Variants in RHBDD1 observed in about 807,000 individuals in gnomAD.
RHBDD1 encodes rhomboid-related protein 4.
RHBDD1 carries 38 observed loss-of-function variants against 36.3 expected under a neutral mutation model. That is an observed-to-expected ratio of 1.05 (90% CI 0.81 to 1.37). RHBDD1 has a LOEUF of 1.37. Ranked by LOEUF, RHBDD1 falls within the 40% of genes most tolerant of loss-of-function variation. RHBDD1 has a pLI of 0.00. For synonymous variants in RHBDD1, 151 were observed against 136.5 expected, an observed-to-expected ratio of 1.11 and a Z score of -0.74; for missense variants, 393 against 377.6, an observed-to-expected ratio of 1.04 and a Z score of -0.34.
intron 8 of RHBDD1, among the ~76,000 whole-genome samples, chr2:226,931,784 C>G (rs1950045151): frequency 6.6e-6 from 1 of 151,510 alleles, no homozygotes; most frequent in Non-Finnish European, 1.5e-5. Flanking sequence ...AGCATGGATC[C>G]TCTTAGTTCT....
chr2:226,864,947 T>G lies in RHBDD1; in HGVS notation c.254T>G (p.Met85Arg). Residue 85 changes from methionine to arginine, a missense_variant, in exon 4 of 9, where the codon ATG becomes AGG. Physicochemically the swap from Met to Arg is moderately conservative, Grantham distance 91. Transcript: ENST00000392062. ...HADDWHLYFN[M>R]ASMLWKGINL... Reference sequence around the variant, plus strand: ...GATGATTGGCATTTGTATTTCAATATGGCATCCATGCTCTGGAAAGGAATA... The same window carrying G: ...GATGATTGGCATTTGTATTTCAATAGGGCATCCATGCTCTGGAAAGGAATA... 6.2e-7 allele frequency: 1 copy of G among 1,614,242 alleles called. No homozygotes were observed. Among genetic ancestry groups the G allele is most frequent in the South Asian group, 1.1e-5 (1 of 91,084 alleles).
intron 5 of RHBDD1, among the ~76,000 whole-genome samples, chr2:226,888,411 GT>G (rs59372958): frequency 0.23 from 33,432 of 146,776 alleles, 6,630 homozygotes; most frequent in African/African-American, 0.54. Flanking sequence ...TCTCAGTGAG[GT>G]TTTTTTTTTT....
intron 4 of RHBDD1, among the ~76,000 whole-genome samples, chr2:226,865,995 C>T (rs994901689): frequency 6.6e-6 from 1 of 152,262 alleles, no homozygotes; most frequent in African/African-American, 2.4e-5. Context: ...CCATGATAAT[C>T]ACTCTGCATA....
Position 226,865,051 on chromosome 2 carries a change from C to G in RHBDD1, c.358C>G (p.Leu120Val). Reference protein sequence around the residue: ...AFSVLTGVVYLLLQFAVAEFM... With the variant: ...AFSVLTGVVYVLLQFAVAEFM... ...TTCTGTACTTACTGGAGTGGTATAC[C>G]TGCTCTTGCAATTTGCTGTTGCCGA... The change falls in exon 4 of 9, where the codon CTG becomes GTG. Residue 120 changes from leucine to valine, a missense_variant. Physicochemically the swap from Leu to Val is conservative, Grantham distance 32. Coordinates refer to ENST00000392062, the MANE Select transcript of RHBDD1 (RefSeq NM_001167608.3). 6.2e-7 allele frequency: 1 copy of G among 1,614,140 alleles called. No individual in the cohort carries two copies. The highest frequency in any genetic ancestry group is 1.1e-5 in the South Asian group (1 of 91,058).
the RHBDD1 span, among the ~76,000 whole-genome samples, chr2:226,825,462 T>G: frequency 6.6e-6 from 1 of 152,178 alleles, no homozygotes; most frequent in African/African-American, 2.4e-5. Context: ...TAGAAAATAC[T>G]CATAATGAGT....
chr2:226,865,951 AC>A (rs1264869115), intron 4 of RHBDD1, among the ~76,000 whole-genome samples: 1 of 152,128 alleles, frequency 6.6e-6, no homozygotes, highest in East Asian at 1.9e-4. Flanking sequence ...AATGGACCAC[AC>A]CCTGCTATGG....
intron 5 of RHBDD1, chr2:226,867,708 TTTA>T (rs141478946): frequency 2.1e-5 from 19 of 920,834 alleles, no homozygotes; most frequent in African/African-American, 7.2e-5. Flanking sequence ...TCTAATGCTT[TTTA>T]TTATTATTAT....
intron 8 of RHBDD1, among the ~76,000 whole-genome samples, chr2:226,991,851 C>T (rs1487496441): frequency 2.6e-5 from 4 of 152,166 alleles, no homozygotes; most frequent in Non-Finnish European, 5.9e-5. Flanking sequence ...CCTCCTCTCA[C>T]GTATGAGTCA....
the RHBDD1 span, among the ~76,000 whole-genome samples, chr2:226,825,524 C>T: frequency 0.077 from 11,727 of 151,916 alleles, 498 homozygotes; most frequent in East Asian, 0.14. Context: ...ATAAATACTT[C>T]CTAAAATAGA....
At chr2:226,925,929 G>A (rs375595040) in intron 8 of RHBDD1, among the ~76,000 whole-genome samples, 1 of 152,250 alleles carries the variant, frequency 6.6e-6, no homozygotes, top group East Asian at 1.9e-4. Context: ...TAGAGTTTGT[G>A]TGTTTGTGTG....
chr2:226,840,180 C>T (rs1559179995), intron 3 of RHBDD1, among the ~76,000 whole-genome samples: 1 of 152,118 alleles, frequency 6.6e-6, no homozygotes, highest in Admixed American at 6.5e-5. Flanking sequence ...TACTTTCAAT[C>T]AACCAGCTGC....
chr2:226,832,221 T>C (rs1940761122), upstream of RHBDD1, among the ~76,000 whole-genome samples: 1 of 152,200 alleles, frequency 6.6e-6, no homozygotes, highest in Non-Finnish European at 1.5e-5. Context: ...CAAAATACTT[T>C]CTAATTTCCT....
intron 5 of RHBDD1, among the ~76,000 whole-genome samples, chr2:226,870,685 C>T (rs1944728311): frequency 6.6e-6 from 1 of 152,276 alleles, no homozygotes; most frequent in South Asian, 2.1e-4. Flanking sequence ...TTACTAATAA[C>T]ATACACAGTC....
At chr2:226,913,762 G>C (rs888898295) in intron 7 of RHBDD1, among the ~76,000 whole-genome samples, 62 of 152,156 alleles carry the variant, frequency 4.1e-4, no homozygotes, top group Admixed American at 5.2e-4. Flanking sequence ...TATTCTGTGG[G>C]ATCTGTATGA....
chr2:226,904,892 C>A (rs1335347169), intron 5 of RHBDD1, among the ~76,000 whole-genome samples: 1 of 152,024 alleles, frequency 6.6e-6, no homozygotes, highest in African/African-American at 2.4e-5. Context: ...TCAGCAAGCA[C>A]CCTGAGCTGA....
At chr2:226,828,871 T>C in the RHBDD1 span, among the ~76,000 whole-genome samples, 1 of 152,174 alleles carries the variant, frequency 6.6e-6, no homozygotes, top group Non-Finnish European at 1.5e-5. Context: ...TTCTTAATGA[T>C]GTCTTTTAAG....
At chr2:226,847,440 G>A (rs1942339952) in intron 3 of RHBDD1, among the ~76,000 whole-genome samples, 1 of 136,364 alleles carries the variant, frequency 7.3e-6, no homozygotes, top group African/African-American at 3.7e-5. Flanking sequence ...TTTCAATATT[G>A]ACATATATTT....
At chr2:226,831,078 G>A (rs1467258588), upstream of RHBDD1, among the ~76,000 whole-genome samples, 1 of 152,198 alleles carries the variant, frequency 6.6e-6, no homozygotes, top group Admixed American at 6.5e-5. Flanking sequence ...ACATTCACAA[G>A]GGATGCTGAT....
upstream of RHBDD1, among the ~76,000 whole-genome samples, chr2:226,835,128 C>T (rs1328041118): frequency 1.3e-5 from 2 of 151,860 alleles, no homozygotes; most frequent in African/African-American, 4.8e-5. Flanking sequence ...CCAGGCTGGT[C>T]TCAAACTCCT....
Sources: allele counts gnomAD v4.1 joint callset (sites outside exome capture counted in the v4.1 genomes callset), GRCh38; gene constraint gnomAD v4.1.1; transcripts MANE v1.5; gene names NCBI Gene and HGNC (gene_info 2026-07-23, HGNC 2026-07-21).